Variants in UBE2E2 observed in about 807,000 individuals in gnomAD.
UBE2E2 encodes ubiquitin conjugating enzyme E2 E2.
UBE2E2 carries 6 observed loss-of-function variants against 24.7 expected under a neutral mutation model. The ratio of observed to expected loss-of-function variants is 0.24; its 90% CI spans 0.13 to 0.48. The LOEUF (loss-of-function observed/expected upper bound fraction) is 0.48, where lower values mean the gene tolerates loss of function less well. UBE2E2 is among the 20% of genes least tolerant of loss of function. The pLI, the probability that UBE2E2 is intolerant of heterozygous loss-of-function variation, is 0.99. For missense variants in UBE2E2, 169 were observed against 245.0 expected, an observed-to-expected ratio of 0.69 and a Z score of 2.07; for synonymous variants, 104 against 83.6, an observed-to-expected ratio of 1.24 and a Z score of -1.33.
At chr3:23,461,661 A>G (rs1575645758) in intron 3 of UBE2E2, among the ~76,000 whole-genome samples, 1 of 152,110 alleles carries the variant, frequency 6.6e-6, no homozygotes, top group Non-Finnish European at 1.5e-5. Context: ...TTTATAATAC[A>G]TTTTAGTTGA....
Position 23,488,482 on chromosome 3 carries a change from T to A in UBE2E2, c.228-11126T>A, listed in dbSNP as rs929791183. Among the ~76,000 whole-genome samples the A allele has an allele frequency of 2.0e-4, 31 of 152,262 alleles. 1 individual carries two copies. Among genetic ancestry groups the A allele is most frequent in the African/African-American group, 7.5e-4 (31 of 41,466 alleles). Reference sequence around the variant, plus strand: ...AATTACACAGCTTAACTAGTCTGTCTAAGATAGTTAACTGTCCCTCAGATC... The same window carrying A: ...AATTACACAGCTTAACTAGTCTGTCAAAGATAGTTAACTGTCCCTCAGATC... On this transcript the variant is annotated intron_variant, in intron 3 of 5. Transcript: ENST00000396703.
At chr3:23,235,517 A>G (rs998219250) in intron 3 of UBE2E2, among the ~76,000 whole-genome samples, 5 of 152,112 alleles carry the variant, frequency 3.3e-5, no homozygotes, top group African/African-American at 1.2e-4. Context: ...GGCCAAATCA[A>G]GCAGAGTTTG....
chr3:23,207,342 G>A (rs573058848), intron 1 of UBE2E2, among the ~76,000 whole-genome samples: 3 of 152,188 alleles, frequency 2.0e-5, no homozygotes, highest in Admixed American at 6.5e-5. Flanking sequence ...AGGAAATTGA[G>A]TTGGTAATCA....
chr3:23,352,984 A>G (rs13097879), intron 3 of UBE2E2, among the ~76,000 whole-genome samples: 10,741 of 152,270 alleles, frequency 0.071, 500 homozygotes, highest in Non-Finnish European at 0.088. Context: ...AAAAATCCTC[A>G]ATAAAATACT....
intron 5 of UBE2E2, among the ~76,000 whole-genome samples, chr3:23,565,323 A>G (rs539239927): frequency 6.6e-6 from 1 of 152,010 alleles, no homozygotes; most frequent in South Asian, 2.1e-4. Context: ...GATTTCCACT[A>G]CTTTACAAAG....
chr3:23,224,171 T>G (rs531340712), intron 3 of UBE2E2, among the ~76,000 whole-genome samples: 1,756 of 150,016 alleles, frequency 0.012, 14 homozygotes, highest in South Asian at 0.026. Flanking sequence ...TTTTTTTTTT[T>G]TTTTTTTTTA....
intron 3 of UBE2E2, among the ~76,000 whole-genome samples, chr3:23,281,959 T>A (rs564224570): frequency 2.5e-4 from 38 of 152,344 alleles, no homozygotes; most frequent in African/African-American, 8.7e-4. Flanking sequence ...GAATGCAATT[T>A]CAGTCTAGTC....
At chr3:23,342,248 A>G (rs1695412402) in intron 3 of UBE2E2, among the ~76,000 whole-genome samples, 1 of 151,240 alleles carries the variant, frequency 6.6e-6, no homozygotes, top group Non-Finnish European at 1.5e-5. Flanking sequence ...GCAGTGGCAC[A>G]ATCATGGCTC....
At chr3:23,329,912 A>G (rs1559349669) in intron 3 of UBE2E2, among the ~76,000 whole-genome samples, 1 of 152,226 alleles carries the variant, frequency 6.6e-6, no homozygotes, top group Non-Finnish European at 1.5e-5. Context: ...GAAGTTCTGT[A>G]TTTGGCAAGA....
intron 4 of UBE2E2, among the ~76,000 whole-genome samples, chr3:23,509,918 T>TCC (rs1176657744): frequency 6.6e-6 from 1 of 152,132 alleles, no homozygotes; most frequent in South Asian, 2.1e-4. Context: ...CATCATTTTT[T>TCC]ATGGCCGCAT....
chr3:23,229,937 A>T (rs1354184057), intron 3 of UBE2E2, among the ~76,000 whole-genome samples: 1 of 152,212 alleles, frequency 6.6e-6, no homozygotes, highest in Admixed American at 6.5e-5. Flanking sequence ...TTATAAGTAT[A>T]TGCTTAAACT....
At chr3:23,536,831 A>G (rs1425147601) in intron 5 of UBE2E2, among the ~76,000 whole-genome samples, 1 of 152,210 alleles carries the variant, frequency 6.6e-6, no homozygotes, top group African/African-American at 2.4e-5. Flanking sequence ...ATGTTTGGAT[A>G]TGTTTGAAAT....
intron 3 of UBE2E2, among the ~76,000 whole-genome samples, chr3:23,411,942 A>T (rs564572613): frequency 1.1e-4 from 16 of 152,320 alleles, no homozygotes; most frequent in Middle Eastern, 3.4e-3. Context: ...GTACAAACGA[A>T]ATCACAGTTG....
chr3:23,420,694 T>G (rs1328883974), intron 3 of UBE2E2, among the ~76,000 whole-genome samples: 3 of 152,232 alleles, frequency 2.0e-5, no homozygotes, highest in Non-Finnish European at 4.4e-5. Flanking sequence ...GGCAAGAATA[T>G]TTACTAAGAG....
At chr3:23,498,326 G>C (rs1408175903) in intron 3 of UBE2E2, among the ~76,000 whole-genome samples, 4 of 151,914 alleles carry the variant, frequency 2.6e-5, no homozygotes, top group Admixed American at 2.6e-4. Flanking sequence ...CAGTTTCTCT[G>C]TTTTTCAAAT....
At chr3:23,355,528 T>G (rs887945455) in intron 3 of UBE2E2, among the ~76,000 whole-genome samples, 22 of 152,204 alleles carry the variant, frequency 1.4e-4, no homozygotes, top group African/African-American at 5.3e-4. Flanking sequence ...CTGAGATGCC[T>G]TTTTAAATGA....
chr3:23,216,770 A>G (rs1696487500), intron 2 of UBE2E2, among the ~76,000 whole-genome samples: 1 of 152,280 alleles, frequency 6.6e-6, no homozygotes, highest in South Asian at 2.1e-4. Context: ...TAAACTTCAA[A>G]GTCCCAACCT....
chr3:23,276,587 T>G (rs914265605), intron 3 of UBE2E2, among the ~76,000 whole-genome samples: 1 of 151,928 alleles, frequency 6.6e-6, no homozygotes, highest in Non-Finnish European at 1.5e-5. Flanking sequence ...GATGCAGACT[T>G]GTGTGTTCAA....
chr3:23,526,766 G>T (rs1695008615), intron 4 of UBE2E2, among the ~76,000 whole-genome samples: 1 of 152,190 alleles, frequency 6.6e-6, no homozygotes, highest in Non-Finnish European at 1.5e-5. Flanking sequence ...GTTTAATTCA[G>T]TGTGGTTTAA....
Sources: allele counts gnomAD v4.1 joint callset (sites outside exome capture counted in the v4.1 genomes callset), GRCh38; gene constraint gnomAD v4.1.1; transcripts MANE v1.5; gene names NCBI Gene and HGNC (gene_info 2026-07-23, HGNC 2026-07-21).